MAP3K4: variants seen among roughly 807,000 people sequenced by gnomAD.
MAP3K4 encodes the protein MAP three kinase 1.
In MAP3K4, 67 loss-of-function variants were observed where a neutral mutation model predicts 185.6. The observed-to-expected ratio is 0.36, with a 90% CI of 0.30 to 0.44. The LOEUF is 0.44. Among genes scored for constraint, MAP3K4 ranks in the 20% least tolerant of loss-of-function variants. The pLI is 1.00. For synonymous variants in MAP3K4, 702 were observed against 710.4 expected (o/e 0.99, Z 0.19); for missense variants, 1,551 against 1,995.1 (o/e 0.78, Z 4.24).
chr6:161,000,881 ATAT>A (rs1175748269), intron 1 of MAP3K4, among the ~76,000 whole-genome samples: 2 of 149,710 alleles, frequency 1.3e-5, no homozygotes, highest in South Asian at 2.1e-4. Flanking sequence ...ACATATATGT[ATAT>A]TATACTATAC....
chr6:161,023,879 A>G (rs1782514368), intron 1 of MAP3K4, among the ~76,000 whole-genome samples: 1 of 152,220 alleles, frequency 6.6e-6, no homozygotes, highest in Admixed American at 6.5e-5. Flanking sequence ...TAACATCACA[A>G]TTATTAAGCA....
At chr6:160,999,700 C>T (rs1781178753) in intron 1 of MAP3K4, among the ~76,000 whole-genome samples, 2 of 152,166 alleles carry the variant, frequency 1.3e-5, no homozygotes, top group African/African-American at 2.4e-5. Flanking sequence ...TCGCCATGTG[C>T]TCCCCTGGTC....
At position 161,115,898 on chromosome 6, in the gene MAP3K4, G is replaced by C. The variant is rs73784798; in HGVS notation, c.4806+596G>C. On this transcript the variant is annotated intron_variant, in intron 26 of 26. Coordinates refer to ENST00000392142, the MANE Select transcript of MAP3K4 (RefSeq NM_005922.4). This position sits in a 1 kb window ranked among gnomAD's most constrained non-coding sequence, Gnocchi z 6.0. ...GGACAAGGGCAGGAAGATAAGGCTA[G>C]AACAGTAACCAGGAGCAACATGAAG... is the stretch of plus-strand genomic sequence containing the variant. Among the ~76,000 whole-genome samples, 3,421 of 152,198 alleles carry C rather than the reference G, an allele frequency of 0.022. 105 individuals carry two copies. Among genetic ancestry groups the C allele is most frequent in the African/African-American group, 0.075 (3,095 of 41,510 alleles).
Position 161,017,798 on chromosome 6 carries a change from A to AGCT in MAP3K4, c.153-16461_153-16460insGCT, listed in dbSNP as rs1562483872. On this transcript the variant is annotated intron_variant, in intron 1 of 26. Coordinates refer to ENST00000392142, the MANE Select transcript of MAP3K4 (RefSeq NM_005922.4). This position sits in a 1 kb window ranked among gnomAD's most constrained non-coding sequence, Gnocchi z 5.1. ...TATATAATACTTAGCTACATCATGT[A>AGCT]ATCAGTCACTTTGAAGGTTGAAGGT... Among the ~76,000 whole-genome samples the AGCT allele has an allele frequency of 6.6e-6, 1 of 152,206 alleles. No homozygotes were observed. The highest frequency in any genetic ancestry group is 1.5e-5 in the Non-Finnish European group (1 of 68,032).
chr6:161,028,828 C>T (rs559378519), intron 1 of MAP3K4, among the ~76,000 whole-genome samples: 6 of 152,222 alleles, frequency 3.9e-5, no homozygotes, highest in South Asian at 4.2e-4. Context: ...GAGGTTTGAC[C>T]GTTCACCTGG....
In MAP3K4 at chr6:161,063,944, C is replaced by T. The variant is rs1784590150; in HGVS notation, c.1708-6664C>T. Among the ~76,000 whole-genome samples the T allele has an allele frequency of 6.6e-6, 1 of 152,140 alleles. No individual in the cohort carries two copies. Among genetic ancestry groups the T allele is most frequent in the Non-Finnish European group, 1.5e-5 (1 of 68,024 alleles). On this transcript the variant is annotated intron_variant, in intron 3 of 26. Transcript: ENST00000392142. The surrounding 1 kb of genome is among the most constrained non-coding windows in gnomAD (Gnocchi z 5.4). ...TTGGAACTGTTCATGGTTTTCCCAC[C>T]ACCTCTTCTCTTTGGGGAGTCATGA... is the stretch of plus-strand genomic sequence containing the variant.
chr6:161,047,159 G>A (rs1053082193), intron 2 of MAP3K4, among the ~76,000 whole-genome samples: 1 of 136,168 alleles, frequency 7.3e-6, no homozygotes, highest in African/African-American at 3.2e-5. Context: ...TAAAAAAATG[G>A]GCCAGGCATA....
Position 161,048,387 on chromosome 6 carries a change from A to G in MAP3K4, c.344-229A>G, listed in dbSNP as rs967895244. 2.8e-5 allele frequency: 18 copies of G among 642,116 alleles called. No homozygotes were observed. The highest frequency in any genetic ancestry group is 2.3e-5 in the Non-Finnish European group (8 of 352,512). 39.8% of individuals were successfully genotyped at this position (642,116 alleles called of 1,614,324 possible). The stretch of plus-strand genomic sequence containing the variant: ...CTAGTTTAGGTAATTAGTTGTGAAT[A>G]TAAGAGAATACAGCAAATACTGGAA... On this transcript the variant is annotated intron_variant, in intron 2 of 26. Coordinates refer to ENST00000392142, the MANE Select transcript of MAP3K4 (RefSeq NM_005922.4). This position sits in a 1 kb window ranked among gnomAD's most constrained non-coding sequence, Gnocchi z 4.7.
intron 1 of MAP3K4, among the ~76,000 whole-genome samples, chr6:161,003,463 T>C (rs555753399): frequency 5.9e-5 from 9 of 152,354 alleles, no homozygotes; most frequent in African/African-American, 1.9e-4. Context: ...ATTTATCTTC[T>C]TCTTGATTAG....
intron 1 of MAP3K4, among the ~76,000 whole-genome samples, chr6:160,994,444 A>G (rs1049294321): frequency 6.6e-6 from 1 of 151,972 alleles, no homozygotes; most frequent in African/African-American, 2.4e-5. Flanking sequence ...GCTCCATCCA[A>G]GTTGCTGCAG....
At chr6:161,016,656 C>G (rs931973343) in intron 1 of MAP3K4, among the ~76,000 whole-genome samples, 1 of 152,184 alleles carries the variant, frequency 6.6e-6, no homozygotes, top group Non-Finnish European at 1.5e-5. Context: ...CCTAGACATA[C>G]GAGTTTATAG....
intron 1 of MAP3K4, among the ~76,000 whole-genome samples, chr6:161,015,242 A>G (rs1347026414): frequency 1.3e-5 from 2 of 151,636 alleles, no homozygotes; most frequent in Admixed American, 6.6e-5. Flanking sequence ...CACATTTTCA[A>G]TGAGAGCTGA....
Position 161,040,995 on chromosome 6 carries a change from C to T in MAP3K4, c.343+6546C>T, listed in dbSNP as rs188343367. Reference sequence around the variant, plus strand: ...TTAATGAAAGGGAGATTGTCTTCCACGGGCTGGCTTAATCAGAAGCCTGGG... The same window carrying T: ...TTAATGAAAGGGAGATTGTCTTCCATGGGCTGGCTTAATCAGAAGCCTGGG... On this transcript the variant is annotated intron_variant, in intron 2 of 26. Coordinates refer to ENST00000392142, the MANE Select transcript of MAP3K4 (RefSeq NM_005922.4). Among the ~76,000 whole-genome samples the T allele has an allele frequency of 8.1e-4, 124 of 152,310 alleles. 1 individual carries two copies. The highest frequency in any genetic ancestry group is 1.3e-4 in the Non-Finnish European group (9 of 68,034).
chr6:160,999,889 C>T (rs1275962512), intron 1 of MAP3K4, among the ~76,000 whole-genome samples: 2 of 152,094 alleles, frequency 1.3e-5, no homozygotes, highest in Admixed American at 6.5e-5. Flanking sequence ...AATATGAAAT[C>T]CTCTTAAAAC....
At position 161,021,426 on chromosome 6, in the gene MAP3K4, A is replaced by G. The variant is rs951723159; in HGVS notation, c.153-12833A>G. On this transcript the variant is annotated intron_variant, in intron 1 of 26. Transcript: ENST00000392142. ...TGAGCCCTGCTCTCTCCTGTCTCAG[A>G]TCCTCTGCACATGCTGTACCTTCTG... Among the ~76,000 whole-genome samples the G allele has an allele frequency of 1.2e-4, 19 of 152,168 alleles. 1 individual carries two copies. The highest frequency in any genetic ancestry group is 7.4e-5 in the Non-Finnish European group (5 of 68,018).
At position 161,088,151 on chromosome 6, in the gene MAP3K4, A is replaced by T. The variant is rs992475157; in HGVS notation, c.2823+197A>T. On this transcript the variant is annotated intron_variant, in intron 10 of 26. Transcript: ENST00000392142. The surrounding 1 kb of genome is among the most constrained non-coding windows in gnomAD (Gnocchi z 4.5). ...ATATATCATTCTGTTAAGTTAAATT[A>T]TACTGGAATACTTGAAATAAACCAT... Among the ~76,000 whole-genome samples the T allele has an allele frequency of 3.9e-5, 6 of 152,208 alleles. No individual in the cohort carries two copies. The highest frequency in any genetic ancestry group is 8.8e-5 in the Non-Finnish European group (6 of 68,034).
At chr6:161,079,707 G>T (rs1161956813) in intron 5 of MAP3K4, among the ~76,000 whole-genome samples, 1 of 152,160 alleles carries the variant, frequency 6.6e-6, no homozygotes, top group African/African-American at 2.4e-5. Context: ...TCTGAGCCTC[G>T]TGTTGAGGAC....
chr6:161,069,546 A>C (rs1784843628), intron 3 of MAP3K4, among the ~76,000 whole-genome samples: 1 of 152,086 alleles, frequency 6.6e-6, no homozygotes. Flanking sequence ...ATAGCAGCTC[A>C]AGTTGTTTGG....
intron 3 of MAP3K4, among the ~76,000 whole-genome samples, chr6:161,068,238 T>C (rs1459574123): frequency 1.3e-5 from 2 of 152,212 alleles, no homozygotes; most frequent in Non-Finnish European, 2.9e-5. Flanking sequence ...AGGAAGCATT[T>C]GCAAGGCACA....
Sources: gnomAD v4.1 joint callset for allele counts (sites outside exome capture counted in the v4.1 genomes callset) on GRCh38, gnomAD v4.1.1 for gene constraint, Gnocchi (gnomAD v3.1) non-coding constraint, MANE v1.5 for transcripts, NCBI Gene and HGNC (gene_info 2026-07-23, HGNC 2026-07-21) for gene names.